Variants in APC observed in about 807,000 individuals in gnomAD.
APC encodes APC regulator of Wnt signaling pathway, also known as adenomatous polyposis coli protein.
APC carries 72 observed loss-of-function variants against 247.0 expected under a neutral mutation model. The ratio of observed to expected loss-of-function variants is 0.29; its 90% CI spans 0.24 to 0.35. APC has a LOEUF of 0.35. APC is among the 10% of genes least tolerant of loss of function. The probability of loss-of-function intolerance (pLI) is 1.00; values close to 1 mark genes in which losing one functional copy is unlikely to be tolerated. For missense variants in APC, 3,400 were observed against 3,360.7 expected (o/e 1.01, Z -0.29); for synonymous variants, 1,254 against 1,162.5 (o/e 1.08, Z -1.60).
intron 6 of APC, among the ~76,000 whole-genome samples, chr5:112,789,607 A>G (rs943754193): frequency 1.3e-5 from 2 of 152,148 alleles, no homozygotes; most frequent in Admixed American, 6.5e-5. Context: ...ATTTAGGCCT[A>G]TATTGATGGA....
intron 1 of APC, among the ~76,000 whole-genome samples, chr5:112,743,484 T>C (rs1374342555): frequency 6.6e-6 from 1 of 152,248 alleles, no homozygotes; most frequent in Non-Finnish European, 1.5e-5. Context: ...TTACTTTCTT[T>C]TGGTAATTTC....
Position 112,846,038 on chromosome 5 carries a change from A to G in APC, c.*1912A>G. On this transcript the variant is annotated 3_prime_UTR_variant, in exon 16 of 16. Coordinates refer to ENST00000257430, the MANE Select transcript of APC (RefSeq NM_000038.6). The stretch of plus-strand genomic sequence containing the variant: ...TTTTTTAAAGCTAAAATGCCAGTAA[A>G]TAAAAGTGCTATGACTTGAGCTAAG... 4.3e-6 allele frequency: 1 copy of G among 232,220 alleles called. No homozygotes were observed. The highest frequency in any genetic ancestry group is 8.5e-6 in the Non-Finnish European group (1 of 117,462). 14.4% of individuals were successfully genotyped at this position (232,220 alleles called of 1,614,324 possible). A position where few individuals can be genotyped will look rare whatever the true frequency, so the allele number is the denominator to read the frequency against.
intron 6 of APC, among the ~76,000 whole-genome samples, chr5:112,788,382 AG>A (rs1283788825): frequency 6.6e-6 from 1 of 152,194 alleles, no homozygotes; most frequent in Non-Finnish European, 1.5e-5. Flanking sequence ...CATAATATTT[AG>A]TCTTGGTTGA....
At chr5:112,746,922 A>G (rs1287773483) in intron 1 of APC, among the ~76,000 whole-genome samples, 1 of 150,824 alleles carries the variant, frequency 6.6e-6, no homozygotes, top group African/African-American at 2.4e-5. Flanking sequence ...GAATTCATAG[A>G]ATCATTTGAT....
At chr5:112,813,585 C>T (rs1473125937) in intron 8 of APC, among the ~76,000 whole-genome samples, 1 of 152,032 alleles carries the variant, frequency 6.6e-6, no homozygotes, top group Non-Finnish European at 1.5e-5. Flanking sequence ...ATCTGGCAAA[C>T]AGTTTACGTT....
chr5:112,822,677 C>G (rs1763261025), intron 11 of APC, among the ~76,000 whole-genome samples: 1 of 152,234 alleles, frequency 6.6e-6, no homozygotes, highest in African/African-American at 2.4e-5. Context: ...TTGCATCATG[C>G]TGAACCATCT....
Position 112,843,388 on chromosome 5 carries a change from C to T in APC, c.7794C>T (p.Thr2598=), listed in dbSNP as rs1554088662. The T allele has an allele frequency of 6.2e-7, 1 of 1,613,238 alleles. No homozygotes were observed. Among genetic ancestry groups the T allele is most frequent in the Non-Finnish European group, 8.5e-7 (1 of 1,179,556 alleles). ...DEKHVNSISG[T]KQSKENQVSA... Reference sequence around the variant, plus strand: ...AACATGTGAACTCTATTTCAGGAACCAAACAAAGTAAAGAAAACCAAGTAT... The same window carrying T: ...AACATGTGAACTCTATTTCAGGAACTAAACAAAGTAAAGAAAACCAAGTAT... Residue 2598 remains threonine (T), a synonymous_variant, in exon 16 of 16, where the codon ACC becomes ACT. Transcript: ENST00000257430. This position sits in a 1 kb window ranked among gnomAD's most constrained non-coding sequence, Gnocchi z 4.8.
At chr5:112,819,603 T>A (rs924234112) in intron 10 of APC, among the ~76,000 whole-genome samples, 1 of 152,202 alleles carries the variant, frequency 6.6e-6, no homozygotes, top group African/African-American at 2.4e-5. Flanking sequence ...AGGGCCTTAG[T>A]AGAGCTAGAA....
chr5:112,841,206 A>T lies in APC; in HGVS notation c.5612A>T (p.Asp1871Val), dbSNP rs1561601349. Residue 1871 changes from aspartate (D) to valine (V), a missense_variant, in exon 16 of 16, where the codon GAT (aspartate) becomes GTT (valine). Physicochemically the swap from Asp to Val is radical, Grantham distance 152 (BLOSUM62 -3). Coordinates refer to ENST00000257430, the MANE Select transcript of APC (RefSeq NM_000038.6). This position sits in a 1 kb window ranked among gnomAD's most constrained non-coding sequence, Gnocchi z 4.6. Reference protein sequence around the residue: ...SLSSLDFDDDDVDLSREKAEL... With the variant: ...SLSSLDFDDDVVDLSREKAEL... Reference sequence around the variant, plus strand: ...AGTTCTCTAGATTTTGATGATGATGATGTTGACCTTTCCAGGGAAAAGGCT... The same window carrying T: ...AGTTCTCTAGATTTTGATGATGATGTTGTTGACCTTTCCAGGGAAAAGGCT... 1 of 1,613,928 alleles carries T rather than the reference A, an allele frequency of 6.2e-7. No individual in the cohort carries two copies. The highest frequency in any genetic ancestry group is 8.5e-7 in the Non-Finnish European group (1 of 1,179,862).
In APC at chr5:112,839,300, G is replaced by A. The variant is rs1481102347; in HGVS notation, c.3706G>A (p.Ala1236Thr). 6.2e-7 allele frequency: 1 copy of A among 1,613,988 alleles called. No individual in the cohort carries two copies. Among genetic ancestry groups the A allele is most frequent in the African/African-American group, 1.3e-5 (1 of 74,904 alleles). ...KRQNQLHPSS[A>T]QSRSGQPQKA... ...GCAGAATCAGCTCCATCCAAGTTCT[G>A]CACAGAGTAGAAGTGGTCAGCCTCA... Residue 1236 changes from alanine (A) to threonine (T), a missense_variant, in exon 16 of 16, where the codon GCA becomes ACA. By Grantham distance (58) the Ala-to-Thr change is moderately conservative. Transcript: ENST00000257430. The surrounding 1 kb of genome is among the most constrained non-coding windows in gnomAD (Gnocchi z 5.0).
At chr5:112,761,392 G>T (rs1187395565) in intron 2 of APC, among the ~76,000 whole-genome samples, 3 of 151,958 alleles carry the variant, frequency 2.0e-5, no homozygotes, top group Admixed American at 1.3e-4. Context: ...TTGAAAAAAA[G>T]AAAAATGAAC....
At chr5:112,776,819 T>C (rs1027732778) in intron 5 of APC, among the ~76,000 whole-genome samples, 1 of 151,652 alleles carries the variant, frequency 6.6e-6, no homozygotes. Context: ...CCATCCAGCC[T>C]GGGTGACAGA....
chr5:112,721,628 G>A (rs1346940596), intron 1 of APC, among the ~76,000 whole-genome samples: 3 of 152,124 alleles, frequency 2.0e-5, no homozygotes, highest in Non-Finnish European at 2.9e-5. Context: ...TGATGGTGGG[G>A]GTAAGAGTGG....
chr5:112,718,556 G>A (rs993485564), intron 1 of APC, among the ~76,000 whole-genome samples: 1 of 152,172 alleles, frequency 6.6e-6, no homozygotes, highest in Non-Finnish European at 1.5e-5. Context: ...CTGCAATGCA[G>A]GCAACAAACA....
intron 1 of APC, among the ~76,000 whole-genome samples, chr5:112,724,983 T>C (rs1751691511): frequency 6.6e-6 from 1 of 152,130 alleles, no homozygotes; most frequent in Non-Finnish European, 1.5e-5. Context: ...CAGATTTTTA[T>C]TTTATTTTTT....
At chr5:112,782,857 A>G (rs181961382) in intron 6 of APC, among the ~76,000 whole-genome samples, 1 of 152,210 alleles carries the variant, frequency 6.6e-6, no homozygotes, top group African/African-American at 2.4e-5. Flanking sequence ...GAAGATATTT[A>G]TTACCATATA....
intron 15 of APC, among the ~76,000 whole-genome samples, chr5:112,837,055 G>A (rs1241623739): frequency 6.6e-6 from 1 of 152,154 alleles, no homozygotes; most frequent in Non-Finnish European, 1.5e-5. Context: ...GAGATACAGA[G>A]ATTACTCTAA....
rs1554079205 is a variant in APC at position 112,815,563 on chromosome 5, T to G, written c.903T>G (p.Pro301=). 6.2e-7 allele frequency: 1 copy of G among 1,611,924 alleles called. No individual in the cohort carries two copies. Among genetic ancestry groups the G allele is most frequent in the Non-Finnish European group, 8.5e-7 (1 of 1,178,574 alleles). ...VLSSSSTHSA[P]RRLTSHLGTK... ...GTTCTAGTAGCACACACTCTGCACC[T>G]CGAAGGCTGACAAGTCATCTGGGAA... is the stretch of plus-strand genomic sequence containing the variant. The change falls in exon 9 of 16, where the codon CCT becomes CCG. Residue 301 remains proline (P), a synonymous_variant. Transcript: ENST00000257430.
At chr5:112,770,430 G>C (rs1756906968) in intron 4 of APC, among the ~76,000 whole-genome samples, 1 of 152,090 alleles carries the variant, frequency 6.6e-6, no homozygotes, top group African/African-American at 2.4e-5. Flanking sequence ...AGGTGCTTTA[G>C]CCTTTTCTGT....
Sources: allele counts gnomAD v4.1 joint callset (sites outside exome capture counted in the v4.1 genomes callset), GRCh38; gene constraint gnomAD v4.1.1; non-coding constraint Gnocchi (gnomAD v3.1); transcripts MANE v1.5; gene names NCBI Gene and HGNC (gene_info 2026-07-23, HGNC 2026-07-21).